Variants in AUTS2 observed in about 807,000 individuals in gnomAD.
The protein encoded by AUTS2 is activator of transcription and developmental regulator AUTS2, also known as autism susceptibility gene 2 protein.
In AUTS2, 17 loss-of-function variants were observed where a neutral mutation model predicts 112.4. That is an observed-to-expected ratio of 0.15 (90% CI 0.10 to 0.23). The LOEUF is 0.23. Ranked by LOEUF, AUTS2 falls within the 10% of genes least tolerant of loss-of-function variation. The pLI, the probability that AUTS2 is intolerant of heterozygous loss-of-function variation, is 1.00. For missense variants in AUTS2, 1,510 were observed against 1,701.6 expected (o/e 0.89, Z 1.98); for synonymous variants, 751 against 702.7 (o/e 1.07, Z -1.09).
intron 5 of AUTS2, among the ~76,000 whole-genome samples, chr7:70,606,598 C>T (rs567322440): frequency 1.6e-4 from 24 of 152,260 alleles, no homozygotes; most frequent in African/African-American, 4.6e-4. Flanking sequence ...TGGTGGCTCA[C>T]GCCTGTAATC....
chr7:70,194,743 A>C (rs1810086608), intron 4 of AUTS2: 1 of 152,232 alleles, frequency 6.6e-6, no homozygotes, highest in Non-Finnish European at 1.5e-5. Flanking sequence ...TTGACCCAAA[A>C]GATAATTTAG....
At chr7:70,465,790 G>A (rs557293035) in intron 5 of AUTS2, among the ~76,000 whole-genome samples, 54 of 152,242 alleles carry the variant, frequency 3.5e-4, no homozygotes, top group Admixed American at 6.5e-4. Context: ...CTGAGTAATC[G>A]TTCTGGTCTT....
chr7:69,781,318 A>G (rs547025034), intron 1 of AUTS2, among the ~76,000 whole-genome samples: 1 of 152,378 alleles, frequency 6.6e-6, no homozygotes, highest in South Asian at 2.1e-4. Flanking sequence ...CCTTCTATTG[A>G]TAATACATTT....
chr7:70,464,130 G>C (rs1351298861), intron 5 of AUTS2, among the ~76,000 whole-genome samples: 13 of 152,210 alleles, frequency 8.5e-5, no homozygotes. Flanking sequence ...AAGCTCCGCA[G>C]AGCTTCGTTC....
chr7:70,537,436 TG>T (rs1800368476), intron 5 of AUTS2, among the ~76,000 whole-genome samples: 1 of 152,244 alleles, frequency 6.6e-6, no homozygotes, highest in South Asian at 2.1e-4. Context: ...TAAAGCAGTT[TG>T]GGAGAAGAGG....
chr7:70,079,508 TA>T (rs1044092418), intron 2 of AUTS2, among the ~76,000 whole-genome samples: 5 of 151,412 alleles, frequency 3.3e-5, no homozygotes, highest in African/African-American at 9.7e-5. Context: ...TCTCAAAAAA[TA>T]AAAAAAAGTT....
rs115990166 is a variant in AUTS2 at position 69,874,670 on chromosome 7, A to G, written c.310-24616A>G. ...GCATTGCATCTATTTTTTTTTTCCAAGTTGTGGAGACGGAGTTTATCTCTG... is the reference window on the plus strand; with the variant it reads ...GCATTGCATCTATTTTTTTTTTCCAGGTTGTGGAGACGGAGTTTATCTCTG... On this transcript the variant is annotated intron_variant, in intron 1 of 18. Coordinates refer to ENST00000342771, the MANE Select transcript of AUTS2 (RefSeq NM_015570.4). 7.7e-3 allele frequency among the ~76,000 whole-genome samples: 1,160 copies of G among 151,338 alleles called. 15 individuals carry two copies. Among genetic ancestry groups the G allele is most frequent in the African/African-American group, 0.027 (1,104 of 40,930 alleles).
chr7:70,474,532 TA>T (rs1373830106), intron 5 of AUTS2, among the ~76,000 whole-genome samples: 1 of 152,224 alleles, frequency 6.6e-6, no homozygotes, highest in African/African-American at 2.4e-5. Context: ...TGGAAGTCTT[TA>T]TTGTACCAGT....
At chr7:69,637,978 A>G (rs1166677212) in intron 1 of AUTS2, among the ~76,000 whole-genome samples, 1 of 152,244 alleles carries the variant, frequency 6.6e-6, no homozygotes, top group Non-Finnish European at 1.5e-5. Flanking sequence ...GAGATTTCAG[A>G]AAAAGACCTT....
chr7:70,432,967 G>A lies in AUTS2; in HGVS notation c.661-2785G>A, dbSNP rs972174511. On this transcript the variant is annotated intron_variant, in intron 4 of 18. Coordinates refer to ENST00000342771, the MANE Select transcript of AUTS2 (RefSeq NM_015570.4). Reference sequence around the variant, plus strand: ...CTTGTCGAGGAGCTGTCACTCACCCGGCATGTTGTGTGGGGAGCCTGAGCA... The same window carrying A: ...CTTGTCGAGGAGCTGTCACTCACCCAGCATGTTGTGTGGGGAGCCTGAGCA... 3.9e-5 allele frequency among the ~76,000 whole-genome samples: 6 copies of A among 152,156 alleles called. 1 individual carries two copies. The highest frequency in any genetic ancestry group is 7.3e-5 in the Non-Finnish European group (5 of 68,036).
chr7:69,721,383 A>G (rs975189936), intron 1 of AUTS2, among the ~76,000 whole-genome samples: 1 of 151,908 alleles, frequency 6.6e-6, no homozygotes, highest in Non-Finnish European at 1.5e-5. Context: ...GGAGGCAGAC[A>G]CTCTTCCCTT....
chr7:70,304,717 C>CTTTTTTTTTTTT (rs11464532), intron 4 of AUTS2, among the ~76,000 whole-genome samples: 3 of 101,324 alleles, frequency 3.0e-5, no homozygotes, highest in African/African-American at 3.8e-5. Flanking sequence ...GGATTTTTAA[C>CTTTTTTTTTTTT]TTTTTTTTTT....
chr7:70,789,245 G>A (rs1791716104), intron 18 of AUTS2, among the ~76,000 whole-genome samples: 1 of 152,164 alleles, frequency 6.6e-6, no homozygotes, highest in South Asian at 2.1e-4. Flanking sequence ...TCCTTGTAAG[G>A]AGCAAGAGAC....
At chr7:70,060,990 C>T (rs1336986052) in intron 2 of AUTS2, among the ~76,000 whole-genome samples, 1 of 152,156 alleles carries the variant, frequency 6.6e-6, no homozygotes, top group East Asian at 1.9e-4. Flanking sequence ...ACCCTGTGAC[C>T]CTAGGCCTGT....
chr7:70,607,025 C>A (rs1438243135), intron 5 of AUTS2, among the ~76,000 whole-genome samples: 5 of 152,150 alleles, frequency 3.3e-5, no homozygotes, highest in African/African-American at 7.2e-5. Context: ...CCCACCTGGG[C>A]AGAGTTAGAT....
At chr7:70,064,556 A>T (rs1018117298) in intron 2 of AUTS2, among the ~76,000 whole-genome samples, 1 of 152,188 alleles carries the variant, frequency 6.6e-6, no homozygotes, top group African/African-American at 2.4e-5. Flanking sequence ...GCCAAGGTCT[A>T]GGTTTTCTTC....
chr7:69,969,619 A>G (rs1008463545), intron 2 of AUTS2, among the ~76,000 whole-genome samples: 2 of 152,194 alleles, frequency 1.3e-5, no homozygotes, highest in African/African-American at 4.8e-5. Context: ...TAGAGAGATA[A>G]TAAGTCTTAG....
chr7:70,706,876 A>G (rs796545729), intron 6 of AUTS2, among the ~76,000 whole-genome samples: 5 of 152,350 alleles, frequency 3.3e-5, no homozygotes, highest in African/African-American at 1.2e-4. Context: ...ACTTTACTGC[A>G]AAGTAGTATG....
At chr7:70,453,823 C>T (rs892999064) in intron 5 of AUTS2, among the ~76,000 whole-genome samples, 2 of 152,196 alleles carry the variant, frequency 1.3e-5, no homozygotes, top group Non-Finnish European at 2.9e-5. Context: ...AAGAAAATCT[C>T]ACTTCGGGAT....
Sources: allele counts gnomAD v4.1 joint callset (sites outside exome capture counted in the v4.1 genomes callset), GRCh38; gene constraint gnomAD v4.1.1; transcripts MANE v1.5; gene names NCBI Gene and HGNC (gene_info 2026-07-23, HGNC 2026-07-21).